RABL6: variants seen among roughly 807,000 people sequenced by gnomAD.
The protein encoded by RABL6 is rab-like protein 6.
Under a neutral mutation model 72.9 loss-of-function variants are expected in RABL6, and 28 were observed. That is an observed-to-expected ratio of 0.38 (90% CI 0.28 to 0.53). RABL6 has a LOEUF of 0.53. Ranked by LOEUF, RABL6 falls within the 20% of genes least tolerant of loss-of-function variation. The probability of loss-of-function intolerance (pLI) is 0.80; values close to 1 mark genes in which losing one functional copy is unlikely to be tolerated. For synonymous variants in RABL6, 477 were observed against 421.2 expected, an observed-to-expected ratio of 1.13 and a Z score of -1.62; for missense variants, 1,029 against 1,008.4, an observed-to-expected ratio of 1.02 and a Z score of -0.28.
At chr9:136,822,870 C>T (rs1177475452) in intron 1 of RABL6, among the ~76,000 whole-genome samples, 4 of 152,154 alleles carry the variant, frequency 2.6e-5, no homozygotes, top group South Asian at 2.1e-4. Context: ...GGGCGGATCA[C>T]GAGGTCAGGA....
Position 136,840,162 on chromosome 9 carries a change from G to T in RABL6, c.1939G>T (p.Gly647Cys). The change falls in exon 14 of 15, where the codon GGC becomes TGC. Residue 647 changes from glycine to cysteine, a missense_variant. By Grantham distance (159) the Gly-to-Cys change is radical (BLOSUM62 -3). Coordinates refer to ENST00000311502, the MANE Select transcript of RABL6 (RefSeq NM_024718.5). ...CTGTCCTGTCTGTGCAGGTAAGGAG[G>T]GCAAAACCCCCTCTAAGGAGAAGAA... ...PKESSEEGKE[G>C]KTPSKEKKKK... The T allele has an allele frequency of 6.2e-7, 1 of 1,612,888 alleles. No homozygotes were observed.
intron 1 of RABL6, among the ~76,000 whole-genome samples, chr9:136,818,381 AAAAAAAAAAAAAAAAAAAAAAAACC>A (rs1848166358): frequency 1.6e-5 from 2 of 122,302 alleles, no homozygotes; most frequent in African/African-American, 8.0e-5. Flanking sequence ...AAAAAAAAAA[AAAAAAAAAAAAAAAAAAAAAAAACC>A]AAAGGTAAGC....
chr9:136,809,212 T>C (rs2131149131), intron 1 of RABL6: 1 of 156,060 alleles, frequency 6.4e-6, no homozygotes, highest in Middle Eastern at 3.3e-3. Context: ...TCCATGGTAA[T>C]GTAGAATTTT....
intron 1 of RABL6, among the ~76,000 whole-genome samples, chr9:136,817,735 G>T (rs554804316): frequency 6.6e-6 from 1 of 152,154 alleles, no homozygotes; most frequent in Non-Finnish European, 1.5e-5. Flanking sequence ...CTTCAGAGAG[G>T]TGGAGTTGAG....
At chr9:136,820,288 C>G (rs1254622599) in intron 1 of RABL6, among the ~76,000 whole-genome samples, 4 of 152,052 alleles carry the variant, frequency 2.6e-5, no homozygotes, top group Non-Finnish European at 4.4e-5. Context: ...TCACTTGAGC[C>G]CAGGAGATTG....
intron 13 of RABL6, 103 bp downstream of exon 13, chr9:136,839,968 G>C (rs530938864): frequency 3.5e-5 from 53 of 1,512,218 alleles, no homozygotes; most frequent in Non-Finnish European, 4.7e-5. Flanking sequence ...CCTGAGTCCA[G>C]GATGCTGTGC....
intron 4 of RABL6, among the ~76,000 whole-genome samples, 156 bp from the exon 5 acceptor site, chr9:136,829,237 T>C (rs1200459224): frequency 6.6e-6 from 1 of 152,234 alleles, no homozygotes; most frequent in Admixed American, 6.5e-5. Context: ...GGCAAACCTA[T>C]GTTTAGCTAT....
intron 1 of RABL6, 149 bp downstream of exon 1, chr9:136,808,475 C>A: frequency 1.1e-6 from 1 of 892,326 alleles, no homozygotes; most frequent in African/African-American, 1.8e-5. Context: ...AGCGGGGGCG[C>A]GGGCCAGGGG....
At chr9:136,819,287 A>G (rs952548733) in intron 1 of RABL6, among the ~76,000 whole-genome samples, 1 of 147,388 alleles carries the variant, frequency 6.8e-6, no homozygotes, top group East Asian at 2.0e-4. Flanking sequence ...GTGCCACTGC[A>G]CTCCAGCCTG....
At chr9:136,822,986 G>A (rs183515233) in intron 1 of RABL6, among the ~76,000 whole-genome samples, 1 of 152,048 alleles carries the variant, frequency 6.6e-6, no homozygotes, top group Non-Finnish European at 1.5e-5. Flanking sequence ...TACTCGGGAG[G>A]CTGAGACAGG....
At position 136,826,640 on chromosome 9, in the gene RABL6, C is replaced by G. The variant is rs564105678; in HGVS notation, c.313+814C>G. ...GGCCCCTGCGGCTCCCACCACATTG[C>G]GCTGGACTCTTGTGGCCCGTGCTGA... On this transcript the variant is annotated intron_variant, in intron 3 of 14. Coordinates refer to ENST00000311502, the MANE Select transcript of RABL6 (RefSeq NM_024718.5). This position sits in a 1 kb window ranked among gnomAD's most constrained non-coding sequence, Gnocchi z 4.9. 6.6e-6 allele frequency: 1 copy of G among 152,308 alleles called. No individual in the cohort carries two copies. Among genetic ancestry groups the G allele is most frequent in the Non-Finnish European group, 1.5e-5 (1 of 68,176 alleles). 9.4% of individuals were successfully genotyped at this position (152,308 alleles called of 1,614,324 possible). A position where few individuals can be genotyped will look rare whatever the true frequency, so the allele number is the denominator to read the frequency against.
Position 136,832,286 on chromosome 9 carries a change from C to A in RABL6, c.621C>A (p.Phe207Leu), listed in dbSNP as rs1345238161. ...NLDRPPGSSY[F>L]RYAESSMKNS... Reference sequence around the variant, plus strand: ...GCAGACCTCCAGGTTCCTCCTACTTCCGCTATGCTGAGTCTTCCATGAAGA... The same window carrying A: ...GCAGACCTCCAGGTTCCTCCTACTTACGCTATGCTGAGTCTTCCATGAAGA... Residue 207 changes from phenylalanine to leucine, a missense_variant, in exon 7 of 15, where the codon TTC (phenylalanine) becomes TTA (leucine). Physicochemically the swap from Phe to Leu is conservative, Grantham distance 22 (BLOSUM62 0). This residue lies in a region of RABL6 where 434 missense variants were observed against 536.1 expected (regional missense o/e 0.81). Transcript: ENST00000311502. 4 of 1,613,750 alleles carry A rather than the reference C, an allele frequency of 2.5e-6. No individual in the cohort carries two copies. In the African/African-American group the frequency reaches 5.3e-5, roughly 22 times the overall value.
At chr9:136,838,870 AC>A in intron 10 of RABL6, 38 bp from the exon 11 acceptor site, 1 of 1,492,954 alleles carries the variant, frequency 6.7e-7, no homozygotes, top group Non-Finnish European at 9.0e-7. Flanking sequence ...AGCCATCCCT[AC>A]CCCGTGGCCC....
intron 1 of RABL6, among the ~76,000 whole-genome samples, chr9:136,822,963 C>T (rs540953397): frequency 6.6e-6 from 1 of 152,220 alleles, no homozygotes; most frequent in South Asian, 2.1e-4. Flanking sequence ...TGGCGGGCGC[C>T]TGTAGTCCCA....
chr9:136,839,236 C>G lies in RABL6; in HGVS notation c.1508C>G (p.Ala503Gly), dbSNP rs1480138149. ...EPETKWSSIP[A>G]SKPRRGTAPT... ...TGTCCACAAAGGTCCTCCATACCAG[C>G]TTCGAAGCCACGGAGGGGGACAGCT... The change falls in exon 12 of 15, where the codon GCT becomes GGT. Residue 503 changes from alanine (A) to glycine (G), a missense_variant. This residue lies in a region of RABL6 where 595 missense variants were observed against 472.4 expected (regional missense o/e 1.26). Coordinates refer to ENST00000311502, the MANE Select transcript of RABL6 (RefSeq NM_024718.5). 2 of 1,600,108 alleles carry G rather than the reference C, an allele frequency of 1.2e-6. No homozygotes were observed. The highest frequency in any genetic ancestry group is 1.1e-5 in the South Asian group (1 of 89,696).
chr9:136,831,959 C>G, intron 6 of RABL6, 98 bp downstream of exon 6: 1 of 1,455,242 alleles, frequency 6.9e-7, no homozygotes, highest in Non-Finnish European at 9.1e-7. Flanking sequence ...TTAACGTTAG[C>G]ATGGGGCCCG....
chr9:136,821,571 G>A (rs1848238376), intron 1 of RABL6: 1 of 985,384 alleles, frequency 1.0e-6, no homozygotes. Context: ...GGGGGACGGC[G>A]GCCGCCCGAC....
At position 136,840,402 on chromosome 9, in the gene RABL6, G is replaced by A; in HGVS notation, c.2070G>A (p.Arg690=). Reference sequence around the variant, plus strand: ...AGGAGGGCAAGGAGGAGCGGCGACGGCGGCAGCAGCGGCCCCCGCGCAGCA... The same window carrying A: ...AGGAGGGCAAGGAGGAGCGGCGACGACGGCAGCAGCGGCCCCCGCGCAGCA... The part of the protein sequence containing the change: ...DKEEGKEERR[R]RQQRPPRSRE... Residue 690 remains arginine (R), a synonymous_variant, in exon 15 of 15, where the codon CGG becomes CGA. Coordinates refer to ENST00000311502, the MANE Select transcript of RABL6 (RefSeq NM_024718.5). 1 of 1,550,770 alleles carries A rather than the reference G, an allele frequency of 6.4e-7. No homozygotes were observed. Among genetic ancestry groups the A allele is most frequent in the South Asian group, 1.2e-5 (1 of 84,224 alleles).
At chr9:136,821,325 C>G in intron 1 of RABL6, 1 of 985,322 alleles carries the variant, frequency 1.0e-6, no homozygotes, top group Non-Finnish European at 1.2e-6. Context: ...GTTGCTAACG[C>G]CCCACTCCCG....
Sources: gnomAD v4.1 joint callset for allele counts (sites outside exome capture counted in the v4.1 genomes callset) on GRCh38, gnomAD v4.1.1 for gene constraint, gnomAD v4.1.1 regional missense constraint, Gnocchi (gnomAD v3.1) non-coding constraint, MANE v1.5 for transcripts, NCBI Gene and HGNC (gene_info 2026-07-23, HGNC 2026-07-21) for gene names.